The following LCA5L variants were observed in gnomAD, a reference collection of about 807,000 sequenced individuals.
LCA5L encodes the protein lebercilin LCA5 like.
In LCA5L, 35 loss-of-function variants were observed where a neutral mutation model predicts 45.4. The observed-to-expected ratio is 0.77, with a 90% confidence interval of 0.59 to 1.02. LCA5L has a LOEUF of 1.02. Ranked by LOEUF, LCA5L falls within the 50% of genes least tolerant of loss-of-function variation. LCA5L has a pLI of 0.00. For synonymous variants in LCA5L, 233 were observed against 264.7 expected (o/e 0.88, Z 1.16); for missense variants, 668 against 761.6 (o/e 0.88, Z 1.45).
intron 1 of LCA5L, among the ~76,000 whole-genome samples, chr21:39,445,002 C>A (rs2077297194): frequency 6.6e-6 from 1 of 151,956 alleles, no homozygotes; most frequent in Non-Finnish European, 1.5e-5. Context: ...TTGGGGCTCA[C>A]TGGAATTCAG....
intron 2 of LCA5L, among the ~76,000 whole-genome samples, chr21:39,441,104 G>A (rs1291352920): frequency 1.3e-5 from 2 of 152,080 alleles, no homozygotes; most frequent in South Asian, 2.1e-4. Context: ...GGGAGGCTGA[G>A]GTGGGCAGAT....
At chr21:39,416,909 T>C (rs1190837307) in intron 7 of LCA5L, among the ~76,000 whole-genome samples, 1 of 152,246 alleles carries the variant, frequency 6.6e-6, no homozygotes, top group Non-Finnish European at 1.5e-5. Flanking sequence ...TTTCTGTGGC[T>C]TTGTGCCACC....
rs1330653660 is a variant in LCA5L at position 39,423,276 on chromosome 21, C to G, written c.537G>C (p.Gln179His). ...LTENQFLKQL[Q>H]LRHLKAIGKY... is the part of the protein sequence containing the mutation. Reference sequence around the variant, plus strand: ...TTCCTATAGCTTTCAAATGCCTAAGCTGAAGTTGTTTCAAAAATTGGTTTT... The same window carrying G: ...TTCCTATAGCTTTCAAATGCCTAAGGTGAAGTTGTTTCAAAAATTGGTTTT... Residue 179 changes from glutamine to histidine, a missense_variant, in exon 6 of 11, where the codon CAG (glutamine) becomes CAC (histidine). Transcript: ENST00000288350. The G allele has an allele frequency of 1.9e-6, 3 of 1,609,600 alleles. No individual in the cohort carries two copies. The highest frequency in any genetic ancestry group is 2.2e-5 in the East Asian group (1 of 44,864).
Position 39,406,700 on chromosome 21 carries a change from C to T in LCA5L, c.1283-88G>A, listed in dbSNP as rs116678860. ...GCATGTCTAGTACACTTACGTGCACCGCCTCACAAGCACACTGAAATGACA... is the reference window on the plus strand; with the variant it reads ...GCATGTCTAGTACACTTACGTGCACTGCCTCACAAGCACACTGAAATGACA... On this transcript the variant is annotated intron_variant, in intron 10 of 10. Transcript: ENST00000288350. 332 of 987,710 alleles carry T rather than the reference C, an allele frequency of 3.4e-4. 1 individual carries two copies. In the African/African-American group the frequency reaches 3.4e-3, roughly 10 times the overall value. 61.2% of individuals were successfully genotyped at this position (987,710 alleles called of 1,614,324 possible). A position where few individuals can be genotyped will look rare whatever the true frequency, so the allele number is the denominator to read the frequency against.
chr21:39,436,854 CT>C (rs1194305497), intron 2 of LCA5L, among the ~76,000 whole-genome samples: 1 of 152,136 alleles, frequency 6.6e-6, no homozygotes, highest in Admixed American at 6.6e-5. Flanking sequence ...AATTTTCCCT[CT>C]TTTCTTATCC....
At chr21:39,412,665 T>C (rs144654088) in intron 7 of LCA5L, among the ~76,000 whole-genome samples, 6 of 152,204 alleles carry the variant, frequency 3.9e-5, no homozygotes, top group African/African-American at 1.4e-4. Context: ...TTGTGCCCCT[T>C]AGGGTCAAAT....
chr21:39,443,899 T>A (rs1334054932), intron 2 of LCA5L: 4 of 152,070 alleles, frequency 2.6e-5, no homozygotes, highest in Non-Finnish European at 4.4e-5. Flanking sequence ...CTGGGCATGG[T>A]GGCGTACACC....
chr21:39,445,719 C>A lies in LCA5L; in HGVS notation c.-313+6G>T, dbSNP rs1049571855. ...AGGGGGACGACGGCAGCAGCGGGGC[C>A]GTTACCTGCTCCGCGCTGTTCCCAC... On this transcript the variant is annotated splice_donor_region_variant and intron_variant, in intron 1 of 10. Coordinates refer to ENST00000288350, the MANE Select transcript of LCA5L (RefSeq NM_152505.4). 6.6e-6 allele frequency: 1 copy of A among 152,358 alleles called. No homozygotes were observed. Among genetic ancestry groups the A allele is most frequent in the African/African-American group, 2.4e-5 (1 of 41,454 alleles). 9.4% of individuals were successfully genotyped at this position (152,358 alleles called of 1,614,324 possible).
At chr21:39,414,740 C>CTGTGTGTGTGTGTG (rs796818060) in intron 7 of LCA5L, among the ~76,000 whole-genome samples, 46 of 104,102 alleles carry the variant, frequency 4.4e-4, no homozygotes, top group African/African-American at 7.2e-4. Context: ...CTCTCTCTCT[C>CTGTGTGTGTGTGTG]TCTGTGTGTG....
rs66478742 is a variant in LCA5L at position 39,414,742 on chromosome 21, C to CTGTGTG, written c.976-2946_976-2941dup. Among the ~76,000 whole-genome samples the CTGTGTG allele has an allele frequency of 7.7e-3, 759 of 99,170 alleles. 18 individuals carry two copies. The highest frequency in any genetic ancestry group is 0.019 in the African/African-American group (434 of 22,712). The allele number at this position is 99,170 out of a possible 152,430, so 65.1% of individuals were successfully genotyped here. A position where few individuals can be genotyped will look rare whatever the true frequency, so the allele number is the denominator to read the frequency against. ...TCTCTCTCTCTCTCTCTCTCTCTCTCTGTGTGTGTGTGTGTGTGTGTGTGT... is the reference window on the plus strand; with the variant it reads ...TCTCTCTCTCTCTCTCTCTCTCTCTCTGTGTGTGTGTGTGTGTGTGTGTGTGTGTGT... On this transcript the variant is annotated intron_variant, in intron 7 of 10. Coordinates refer to ENST00000288350, the MANE Select transcript of LCA5L (RefSeq NM_152505.4).
In LCA5L at chr21:39,411,733, CTG is replaced by C; in HGVS notation, c.1043_1044del (p.Thr348ArgfsTer40). 2 of 1,534,814 alleles carry C rather than the reference CTG, an allele frequency of 1.3e-6. No individual in the cohort carries two copies. The highest frequency in any genetic ancestry group is 1.8e-6 in the Non-Finnish European group (2 of 1,115,768). On this transcript the variant is annotated frameshift_variant, in exon 8 of 11. Coordinates refer to ENST00000288350, the MANE Select transcript of LCA5L (RefSeq NM_152505.4). LOFTEE classifies it high-confidence loss of function. Reference protein sequence around the residue: ...SHRILKNLHDTEDYPKVSSTK... With the variant: ...SHRILKNLHDXEDYPKVSSTK... ...TAAAACATACCTTTTGGATAGTCCT[CTG>C]TGTCATGTAAATTTTTAAGTATTCG...
Position 39,428,227 on chromosome 21 carries a change from C to T in LCA5L, c.267G>A (p.Val89=). The change falls in exon 5 of 11, where the codon GTG becomes GTA. Residue 89 remains valine (V), a synonymous_variant. Transcript: ENST00000288350. Reference sequence around the variant, plus strand: ...ACTTTTTCTTCTCCTTTTCTTTTACCACAGGCTGCTTTAAATAATTTCTAT... The same window carrying T: ...ACTTTTTCTTCTCCTTTTCTTTTACTACAGGCTGCTTTAAATAATTTCTAT... ...AINRNYLKQP[V]VKEKEKKKYN... The T allele has an allele frequency of 1.2e-6, 2 of 1,602,286 alleles. No individual in the cohort carries two copies. The highest frequency in any genetic ancestry group is 8.5e-7 in the Non-Finnish European group (1 of 1,170,940).
At chr21:39,439,186 A>G (rs557117645) in intron 2 of LCA5L, among the ~76,000 whole-genome samples, 1 of 152,232 alleles carries the variant, frequency 6.6e-6, no homozygotes, top group Non-Finnish European at 1.5e-5. Context: ...GGGAGAAGAC[A>G]CGACGCTGCT....
chr21:39,434,540 C>T (rs749673452), intron 3 of LCA5L, among the ~76,000 whole-genome samples: 2 of 152,102 alleles, frequency 1.3e-5, no homozygotes, highest in African/African-American at 2.4e-5. Context: ...TCTTTTGAGA[C>T]GGGGTCTTAC....
At chr21:39,412,065 C>A (rs1442701739) in intron 7 of LCA5L, among the ~76,000 whole-genome samples, 1 of 152,166 alleles carries the variant, frequency 6.6e-6, no homozygotes, top group African/African-American at 2.4e-5. Flanking sequence ...TTCCTTCTGT[C>A]CTGTGGGCCT....
At chr21:39,407,777 T>C (rs1019078821) in intron 10 of LCA5L, 3 of 152,218 alleles carry the variant, frequency 2.0e-5, no homozygotes, top group Admixed American at 1.3e-4. Context: ...GTCAAATGAA[T>C]GGATACACTT....
At chr21:39,407,864 C>T (rs2039368781) in intron 10 of LCA5L, 1 of 152,276 alleles carries the variant, frequency 6.6e-6, no homozygotes, top group Non-Finnish European at 1.5e-5. Flanking sequence ...CACAGTGCAA[C>T]TGCAACTGAC....
chr21:39,434,324 C>G (rs2076080281), intron 3 of LCA5L, among the ~76,000 whole-genome samples: 1 of 152,128 alleles, frequency 6.6e-6, no homozygotes, highest in Non-Finnish European at 1.5e-5. Flanking sequence ...TCTCACTGAC[C>G]TGTTAAAAAT....
intron 8 of LCA5L, among the ~76,000 whole-genome samples, chr21:39,411,409 C>T (rs1210803292): frequency 1.3e-5 from 2 of 152,160 alleles, no homozygotes; most frequent in African/African-American, 2.4e-5. Flanking sequence ...AAGCCATACA[C>T]TGGCTAACAG....
Sources: allele counts gnomAD v4.1 joint callset (sites outside exome capture counted in the v4.1 genomes callset), GRCh38; gene constraint gnomAD v4.1.1; transcripts MANE v1.5; gene names NCBI Gene and HGNC (gene_info 2026-07-23, HGNC 2026-07-21).